TC2N: variants seen among roughly 807,000 people sequenced by gnomAD.
TC2N encodes the protein tandem C2 domains, nuclear.
In TC2N, 51 loss-of-function variants were observed where a neutral mutation model predicts 61.9. The observed-to-expected ratio is 0.82, with a 90% confidence interval of 0.66 to 1.04. The LOEUF is 1.04. Among genes scored for constraint, TC2N ranks in the 50% least tolerant of loss-of-function variants. The probability of loss-of-function intolerance (pLI) is 0.00; values close to 1 mark genes in which losing one functional copy is unlikely to be tolerated. For missense variants in TC2N, 556 were observed against 566.7 expected (o/e 0.98, Z 0.19); for synonymous variants, 204 against 192.6 (o/e 1.06, Z -0.49).
chr14:91,786,324 T>C (rs1240061223), intron 10 of TC2N, among the ~76,000 whole-genome samples: 2 of 152,224 alleles, frequency 1.3e-5, no homozygotes, highest in Non-Finnish European at 2.9e-5. Context: ...ACAGGTGACA[T>C]TAGTCTATAA....
intron 1 of TC2N, among the ~76,000 whole-genome samples, chr14:91,823,256 C>T (rs888750701): frequency 1.3e-4 from 20 of 151,954 alleles, no homozygotes; most frequent in African/African-American, 4.8e-4. Flanking sequence ...CATGGTGGCT[C>T]ATGCCTGTAG....
At chr14:91,865,876 A>AT (rs1182157639) in intron 1 of TC2N, among the ~76,000 whole-genome samples, 1 of 152,202 alleles carries the variant, frequency 6.6e-6, no homozygotes, top group Non-Finnish European at 1.5e-5. Context: ...TAAAGGTGTT[A>AT]TTAAAAAGTT....
intron 5 of TC2N, 42 bp downstream of exon 5, chr14:91,800,239 A>G (rs771023723): frequency 1.4e-5 from 18 of 1,267,858 alleles, no homozygotes; most frequent in Non-Finnish European, 2.0e-5. Context: ...TTAATTTGAA[A>G]GGAAATTATC....
At chr14:91,845,768 G>A (rs1213739279) in intron 1 of TC2N, among the ~76,000 whole-genome samples, 3 of 152,140 alleles carry the variant, frequency 2.0e-5, no homozygotes, top group Admixed American at 2.0e-4. Flanking sequence ...TTGCACACCT[G>A]CACATCCCAA....
chr14:91,809,491 A>G (rs1386663189), intron 3 of TC2N, among the ~76,000 whole-genome samples: 1 of 152,210 alleles, frequency 6.6e-6, no homozygotes, highest in Non-Finnish European at 1.5e-5. Flanking sequence ...ACTCTAGACC[A>G]AAACTAAAAC....
intron 1 of TC2N, among the ~76,000 whole-genome samples, chr14:91,851,559 GGCTCTTTCACTTATAATTA>G (rs1458440887): frequency 2.0e-5 from 3 of 152,122 alleles, no homozygotes; most frequent in Non-Finnish European, 4.4e-5. Context: ...AATCACCTAA[GGCTCTTTCACTTATAATTA>G]GCACATAAAC....
chr14:91,802,961 T>C (rs766817751), intron 3 of TC2N, among the ~76,000 whole-genome samples: 3 of 152,112 alleles, frequency 2.0e-5, no homozygotes, highest in Non-Finnish European at 4.4e-5. Context: ...ACCAAAAACT[T>C]AATCTTTAAG....
Position 91,785,166 on chromosome 14 carries a change from C to T in TC2N, c.1358G>A (p.Gly453Asp). Residue 453 changes from glycine to aspartate, a missense_variant, in exon 11 of 12, where the codon GGC (glycine) becomes GAC (aspartate). By Grantham distance (94) the Gly-to-Asp change is moderately conservative (BLOSUM62 -1). Transcript: ENST00000435962. Reference protein sequence around the residue: ...RSSVRRKHFVGQIWISEDSNN... With the variant: ...RSSVRRKHFVDQIWISEDSNN... ...AGGATAAAAACTCCTACTAACCTGG[C>T]CCACAAAGTGTTTTCTTCTTACAGA... 6.2e-7 allele frequency: 1 copy of T among 1,610,418 alleles called. No individual in the cohort carries two copies. Among genetic ancestry groups the T allele is most frequent in the Non-Finnish European group, 8.5e-7 (1 of 1,177,538 alleles).
chr14:91,799,157 G>T, intron 5 of TC2N, 93 bp from the exon 6 acceptor site: 2 of 732,804 alleles, frequency 2.7e-6, no homozygotes, highest in East Asian at 3.0e-5. Context: ...GTAACAAACT[G>T]CATGCTAACT....
chr14:91,821,189 A>G (rs1179325306), intron 1 of TC2N, among the ~76,000 whole-genome samples: 2 of 152,044 alleles, frequency 1.3e-5, no homozygotes, highest in East Asian at 3.8e-4. Flanking sequence ...GGGGAAAAAA[A>G]AAGAACAAAG....
At chr14:91,833,645 C>T (rs1243995173) in intron 1 of TC2N, among the ~76,000 whole-genome samples, 1 of 152,144 alleles carries the variant, frequency 6.6e-6, no homozygotes, top group East Asian at 1.9e-4. Flanking sequence ...CCCCAAGTAA[C>T]CACTGATGTG....
intron 1 of TC2N, among the ~76,000 whole-genome samples, chr14:91,864,737 C>T (rs1053265321): frequency 6.6e-6 from 1 of 150,546 alleles, no homozygotes; most frequent in Admixed American, 6.6e-5. Context: ...ATCATAATGG[C>T]ACTGTATTTG....
At chr14:91,860,488 C>T (rs767441233) in intron 1 of TC2N, among the ~76,000 whole-genome samples, 43 of 152,200 alleles carry the variant, frequency 2.8e-4, no homozygotes, top group Non-Finnish European at 4.7e-4. Flanking sequence ...AACAAGTGAG[C>T]TCCTTGATCT....
intron 1 of TC2N, among the ~76,000 whole-genome samples, chr14:91,862,766 C>T (rs1888619015): frequency 6.6e-6 from 1 of 152,236 alleles, no homozygotes; most frequent in South Asian, 2.1e-4. Context: ...CCTGGGAACT[C>T]TTCACCACCT....
intron 4 of TC2N, among the ~76,000 whole-genome samples, chr14:91,801,645 G>A (rs568107434): frequency 3.9e-4 from 60 of 152,058 alleles, no homozygotes; most frequent in Admixed American, 1.5e-3. Context: ...ACTGCACTCC[G>A]GCCTGGGCAA....
At chr14:91,815,213 CTA>C (rs1886954886) in intron 1 of TC2N, among the ~76,000 whole-genome samples, 1 of 151,416 alleles carries the variant, frequency 6.6e-6, no homozygotes, top group Admixed American at 6.6e-5. Flanking sequence ...CTATCTAAAT[CTA>C]TGTTCAAGCA....
chr14:91,812,357 G>GA lies in TC2N; in HGVS notation c.255dup (p.Gln86SerfsTer15). The GA allele has an allele frequency of 6.2e-7, 1 of 1,612,324 alleles. No homozygotes were observed. The highest frequency in any genetic ancestry group is 8.5e-7 in the Non-Finnish European group (1 of 1,178,894). ...GAAGGAGTTTCTTGTGTCCTGGGTT[G>GA]AATGTAAGATAACTTAAACTTGGGC... is the stretch of plus-strand genomic sequence containing the variant. On this transcript the variant is annotated frameshift_variant, in exon 3 of 12. Coordinates refer to ENST00000435962, the MANE Select transcript of TC2N (RefSeq NM_001128596.3). LOFTEE classifies it high-confidence loss of function.
At chr14:91,854,380 A>G (rs1354807540) in intron 1 of TC2N, among the ~76,000 whole-genome samples, 5 of 142,274 alleles carry the variant, frequency 3.5e-5, no homozygotes, top group African/African-American at 5.1e-5. Context: ...AACTTTTAAA[A>G]GCTCTACACA....
At chr14:91,798,078 G>A (rs1391983786) in intron 7 of TC2N, among the ~76,000 whole-genome samples, 177 bp from the exon 8 acceptor site, 2 of 151,872 alleles carry the variant, frequency 1.3e-5, no homozygotes, top group African/African-American at 4.8e-5. Context: ...TAGATGTTAT[G>A]TCAATTTCCC....
Sources: gnomAD v4.1 joint callset for allele counts (sites outside exome capture counted in the v4.1 genomes callset) on GRCh38, gnomAD v4.1.1 for gene constraint, MANE v1.5 for transcripts, NCBI Gene and HGNC (gene_info 2026-07-23, HGNC 2026-07-21) for gene names.